Variants in FAM81A observed in about 807,000 individuals in gnomAD.
FAM81A encodes the protein family with sequence similarity 81 member A.
FAM81A carries 19 observed loss-of-function variants against 46.7 expected under a neutral mutation model. The observed-to-expected ratio is 0.41, with a 90% confidence interval of 0.28 to 0.60. The LOEUF (loss-of-function observed/expected upper bound fraction) is 0.60, where lower values mean the gene tolerates loss of function less well. FAM81A is among the 20% of genes least tolerant of loss of function. FAM81A has a pLI of 0.34. For synonymous variants in FAM81A, 183 were observed against 152.9 expected (o/e 1.20, Z -1.45); for missense variants, 377 against 453.5 (o/e 0.83, Z 1.53).
chr15:59,414,436 C>G (rs577518121), intron 2 of FAM81A, among the ~76,000 whole-genome samples: 1 of 152,128 alleles, frequency 6.6e-6, no homozygotes, highest in Non-Finnish European at 1.5e-5. Context: ...GGGAATACCC[C>G]CAAAACCAGT....
At position 59,508,985 on chromosome 15, in the gene FAM81A, AT is replaced by A. The variant is rs1760536944; in HGVS notation, c.650+18del. On this transcript the variant is annotated intron_variant, in intron 6 of 8. Coordinates refer to ENST00000288228, the MANE Select transcript of FAM81A (RefSeq NM_152450.3). ...TGGACACTAAGTAAGCAATCAATTT[AT>A]TAAAAAAATAAAACTTAAAGTTCTT... 6.3e-7 allele frequency: 1 copy of A among 1,587,572 alleles called. No individual in the cohort carries two copies. The highest frequency in any genetic ancestry group is 1.8e-5 in the Admixed American group (1 of 55,474).
At chr15:59,519,276 C>T (rs1334335065) in intron 8 of FAM81A, among the ~76,000 whole-genome samples, 1 of 151,766 alleles carries the variant, frequency 6.6e-6, no homozygotes, top group African/African-American at 2.4e-5. Flanking sequence ...GCGACCTATT[C>T]TTCGCAAGTT....
intron 3 of FAM81A, among the ~76,000 whole-genome samples, chr15:59,465,943 G>A (rs2081607932): frequency 6.6e-6 from 1 of 152,170 alleles, no homozygotes; most frequent in Non-Finnish European, 1.5e-5. Flanking sequence ...AGAACATGCG[G>A]TGTTTGGTTT....
chr15:59,410,482 C>G (rs2081115670), intron 2 of FAM81A, among the ~76,000 whole-genome samples: 1 of 152,168 alleles, frequency 6.6e-6, no homozygotes, highest in Non-Finnish European at 1.5e-5. Context: ...CTCCCACACT[C>G]ACCTCTGGCT....
At chr15:59,422,124 T>G (rs1464884243) in intron 2 of FAM81A, among the ~76,000 whole-genome samples, 2 of 152,120 alleles carry the variant, frequency 1.3e-5, no homozygotes, top group Non-Finnish European at 2.9e-5. Context: ...CAGTGGCTCA[T>G]GTCTGTAATC....
intron 2 of FAM81A, among the ~76,000 whole-genome samples, chr15:59,410,297 CA>C (rs1231157933): frequency 1.3e-5 from 2 of 150,668 alleles, no homozygotes; most frequent in South Asian, 2.1e-4. Context: ...ACTCCATGTC[CA>C]AAAAAAAGAA....
chr15:59,423,154 G>T (rs1255643246), intron 2 of FAM81A, among the ~76,000 whole-genome samples: 1 of 152,150 alleles, frequency 6.6e-6, no homozygotes, highest in Non-Finnish European at 1.5e-5. Context: ...CTGGAGTGCA[G>T]TGGCGCGATC....
intron 2 of FAM81A, among the ~76,000 whole-genome samples, chr15:59,421,881 ATCTATCTATC>A (rs2081175121): frequency 1.5e-5 from 1 of 66,828 alleles, no homozygotes; most frequent in Non-Finnish European, 3.3e-5. Flanking sequence ...CTATCTATCT[ATCTATCTATC>A]TATCTATCTA....
rs2082336164 is a variant in FAM81A at position 59,522,342 on chromosome 15, A to G, written c.*964A>G. On this transcript the variant is annotated 3_prime_UTR_variant, in exon 9 of 9. Transcript: ENST00000288228. ...TGTAAAAGTTTTGCAGACAAAATAG[A>G]AAGTATGATAATCCGTCAGAAGTAT... 1.3e-5 allele frequency: 2 copies of G among 152,678 alleles called. No individual in the cohort carries two copies. The highest frequency in any genetic ancestry group is 4.8e-5 in the African/African-American group (2 of 41,460). 9.5% of individuals were successfully genotyped at this position (152,678 alleles called of 1,614,324 possible). A position where few individuals can be genotyped will look rare whatever the true frequency, so the allele number is the denominator to read the frequency against.
intron 2 of FAM81A, among the ~76,000 whole-genome samples, chr15:59,418,520 A>G (rs1196178347): frequency 2.6e-5 from 4 of 152,228 alleles, no homozygotes; most frequent in African/African-American, 9.6e-5. Context: ...GGTCTAATCA[A>G]TAGCTCGATC....
intron 4 of FAM81A, among the ~76,000 whole-genome samples, chr15:59,494,672 TTGAAA>T (rs1450785537): frequency 6.6e-6 from 1 of 152,214 alleles, no homozygotes; most frequent in African/African-American, 2.4e-5. Flanking sequence ...GACTTGATTG[TTGAAA>T]TGAATTCATG....
In FAM81A at chr15:59,514,428, G is replaced by A; in HGVS notation, c.786+4G>A. On this transcript the variant is annotated splice_donor_region_variant and intron_variant, in intron 7 of 8. Coordinates refer to ENST00000288228, the MANE Select transcript of FAM81A (RefSeq NM_152450.3). ...CTTGATTGTTAAGGAAAACAGTGTA[G>A]GTATTGATGTTTAGCAAAAATTTAG... 1 of 1,608,774 alleles carries A rather than the reference G, an allele frequency of 6.2e-7. No individual in the cohort carries two copies. Among genetic ancestry groups the A allele is most frequent in the Non-Finnish European group, 8.5e-7 (1 of 1,178,448 alleles).
intron 6 of FAM81A, among the ~76,000 whole-genome samples, chr15:59,513,637 A>G (rs557602416): frequency 6.6e-6 from 1 of 152,220 alleles, no homozygotes; most frequent in South Asian, 2.1e-4. Flanking sequence ...TACCAGAAAT[A>G]TGATAGTTGG....
chr15:59,418,695 G>A (rs1159872945), intron 2 of FAM81A, among the ~76,000 whole-genome samples: 3 of 152,208 alleles, frequency 2.0e-5, no homozygotes, highest in African/African-American at 4.8e-5. Flanking sequence ...TGCTAACATG[G>A]GGAAAGAGCT....
intron 4 of FAM81A, among the ~76,000 whole-genome samples, chr15:59,501,000 A>G (rs141779209): frequency 0.014 from 2,075 of 152,082 alleles, 48 homozygotes; most frequent in African/African-American, 0.046. Flanking sequence ...TCTGACATCT[A>G]TGTCCTCTTA....
rs117087117 is a variant in FAM81A, at chr15:59,406,453, C to A, written c.-78+4095C>A. On this transcript the variant is annotated intron_variant, in intron 2 of 4. Coordinates refer to the FAM81A transcript ENST00000558348. The stretch of plus-strand genomic sequence containing the variant: ...TACTAACCAGTGCTATTTGGCATAC[C>A]AATTTAAATCAGTTACCTACACTAA... Among the ~76,000 whole-genome samples, 22 of 152,212 alleles carry A rather than the reference C, an allele frequency of 1.4e-4. 1 individual carries two copies. The East Asian group carries it at 4.2e-3, about 29-fold the overall frequency.
intron 3 of FAM81A, among the ~76,000 whole-genome samples, chr15:59,484,548 T>C (rs1357632265): frequency 1.3e-5 from 2 of 152,154 alleles, no homozygotes; most frequent in Non-Finnish European, 2.9e-5. Flanking sequence ...AGAATCTGTG[T>C]GCTTTGAGGA....
chr15:59,501,607 G>A (rs2082091421), intron 4 of FAM81A, among the ~76,000 whole-genome samples: 1 of 152,150 alleles, frequency 6.6e-6, no homozygotes, highest in Non-Finnish European at 1.5e-5. Flanking sequence ...TTCTGCATCA[G>A]CGTGTGGCCC....
chr15:59,437,982 C>T (rs1159518703), upstream of FAM81A, among the ~76,000 whole-genome samples: 2 of 151,708 alleles, frequency 1.3e-5, no homozygotes, highest in Non-Finnish European at 2.9e-5. Flanking sequence ...GGAGGGGCGG[C>T]GCCGCCAGGC....
Sources: gnomAD v4.1 joint callset for allele counts (sites outside exome capture counted in the v4.1 genomes callset) on GRCh38, gnomAD v4.1.1 for gene constraint, MANE v1.5 for transcripts, NCBI Gene and HGNC (gene_info 2026-07-23, HGNC 2026-07-21) for gene names.